The following GREB1L variants were observed in gnomAD, a reference collection of about 807,000 sequenced individuals.
GREB1L encodes the protein GREB1-like protein.
In GREB1L, 17 loss-of-function variants were observed where a neutral mutation model predicts 200.8. The ratio of observed to expected loss-of-function variants is 0.08; its 90% CI spans 0.06 to 0.13. The LOEUF (loss-of-function observed/expected upper bound fraction) is 0.13, where lower values mean the gene tolerates loss of function less well. Among genes scored for constraint, GREB1L ranks in the 10% least tolerant of loss-of-function variants. The pLI is 1.00. For synonymous variants in GREB1L, 789 were observed against 893.0 expected (o/e 0.88, Z 2.08); for missense variants, 1,657 against 2,367.7 (o/e 0.70, Z 6.23).
intron 1 of GREB1L, among the ~76,000 whole-genome samples, chr18:21,263,326 C>A (rs2037918282): frequency 6.6e-6 from 1 of 152,194 alleles, no homozygotes; most frequent in South Asian, 2.1e-4. Flanking sequence ...CTATCCTTGT[C>A]TTCGTCCATT....
At chr18:21,313,255 C>T (rs1450216962) in intron 1 of GREB1L, among the ~76,000 whole-genome samples, 1 of 151,928 alleles carries the variant, frequency 6.6e-6, no homozygotes, top group Non-Finnish European at 1.5e-5. Context: ...GGAAGGTAAT[C>T]GCCATACAAA....
intron 1 of GREB1L, among the ~76,000 whole-genome samples, chr18:21,339,279 G>C (rs923003128): frequency 1.6e-4 from 24 of 152,134 alleles, no homozygotes; most frequent in Admixed American, 2.6e-4. Flanking sequence ...AATCATGTAA[G>C]AGTGGACTAG....
intron 23 of GREB1L, 101 bp downstream of exon 23, chr18:21,500,743 C>G (rs1201519703): frequency 2.6e-6 from 2 of 780,556 alleles, no homozygotes; most frequent in Non-Finnish European, 4.0e-6. Flanking sequence ...TTCTACAGTA[C>G]CTAACCTGCA....
intron 27 of GREB1L, among the ~76,000 whole-genome samples, chr18:21,513,427 G>A (rs1363550795): frequency 6.6e-6 from 1 of 152,216 alleles, no homozygotes; most frequent in Non-Finnish European, 1.5e-5. Context: ...TTCCAAGTCT[G>A]AGAGAGCCTC....
intron 1 of GREB1L, among the ~76,000 whole-genome samples, chr18:21,248,581 T>G (rs1290796224): frequency 1.3e-5 from 2 of 152,332 alleles, no homozygotes; most frequent in East Asian, 3.9e-4. Context: ...ATTCAATAGA[T>G]TGATAAAATC....
At chr18:21,450,922 A>G (rs1598862073) in intron 12 of GREB1L, 101 bp from the exon 13 acceptor site, 3 of 1,199,694 alleles carry the variant, frequency 2.5e-6, no homozygotes, top group African/African-American at 3.0e-5. Context: ...AAGTCCCTAT[A>G]GTGACATCCT....
intron 1 of GREB1L, among the ~76,000 whole-genome samples, chr18:21,328,136 T>G (rs936123763): frequency 1.3e-5 from 2 of 152,148 alleles, no homozygotes; most frequent in African/African-American, 2.4e-5. Flanking sequence ...TTCTCTGTCA[T>G]GAACTCCTGG....
intron 15 of GREB1L, chr18:21,454,798 G>T: frequency 1.9e-6 from 1 of 530,280 alleles, no homozygotes; most frequent in Admixed American, 3.2e-5. Context: ...GTATCATTAA[G>T]TTCATGATGT....
chr18:21,475,999 A>G (rs897153351), intron 16 of GREB1L, among the ~76,000 whole-genome samples: 5 of 136,004 alleles, frequency 3.7e-5, no homozygotes, highest in African/African-American at 1.4e-4. Context: ...AAAAAAAAAG[A>G]GTCAAATATG....
chr18:21,285,739 C>G (rs2038344803), intron 1 of GREB1L, among the ~76,000 whole-genome samples: 1 of 152,064 alleles, frequency 6.6e-6, no homozygotes, highest in Admixed American at 6.6e-5. Context: ...TGGAAGGGGC[C>G]CCAAATGGAC....
intron 4 of GREB1L, among the ~76,000 whole-genome samples, chr18:21,390,727 G>A (rs527465530): frequency 1.1e-4 from 17 of 152,098 alleles, no homozygotes; most frequent in South Asian, 2.1e-4. Context: ...AGTAGAGATG[G>A]GGTTTCACCA....
intron 4 of GREB1L, among the ~76,000 whole-genome samples, chr18:21,384,932 G>A (rs542059962): frequency 1.3e-5 from 2 of 152,156 alleles, no homozygotes; most frequent in Admixed American, 6.6e-5. Flanking sequence ...GGATTAAAAT[G>A]TGTATATTTT....
intron 1 of GREB1L, among the ~76,000 whole-genome samples, chr18:21,283,843 T>C (rs1405558159): frequency 6.6e-6 from 1 of 152,156 alleles, no homozygotes. Context: ...CAGGATCAAC[T>C]TGGTTCCTAA....
At position 21,416,404 on chromosome 18, in the gene GREB1L, T is replaced by C. The variant is rs149111002; in HGVS notation, c.832+12410T>C. On this transcript the variant is annotated intron_variant, in intron 7 of 32. Transcript: ENST00000424526. Reference sequence around the variant, plus strand: ...ACAGGTTCCCAAACTTGGTGAACATTATAAACCCACAGATCCAAGACATTC... The same window carrying C: ...ACAGGTTCCCAAACTTGGTGAACATCATAAACCCACAGATCCAAGACATTC... 3.2e-3 allele frequency among the ~76,000 whole-genome samples: 489 copies of C among 152,180 alleles called. 17 individuals carry two copies. The East Asian group carries it at 0.065, about 20-fold the overall frequency.
intron 1 of GREB1L, among the ~76,000 whole-genome samples, chr18:21,351,997 G>A (rs146422181): frequency 0.01 from 1,528 of 152,078 alleles, 32 homozygotes; most frequent in African/African-American, 0.034. Flanking sequence ...ACAGGCACGC[G>A]CCACCACGCC....
chr18:21,300,532 A>C (rs2038601625), intron 1 of GREB1L, among the ~76,000 whole-genome samples: 1 of 152,126 alleles, frequency 6.6e-6, no homozygotes, highest in Admixed American at 6.5e-5. Flanking sequence ...CCCCTCTCTA[A>C]ACATTCTCTT....
At chr18:21,361,909 G>A (rs1234314516) in intron 1 of GREB1L, among the ~76,000 whole-genome samples, 1 of 152,124 alleles carries the variant, frequency 6.6e-6, no homozygotes, top group Non-Finnish European at 1.5e-5. Context: ...TAATGCCAGA[G>A]TTTGAAAGTG....
chr18:21,344,842 T>G lies in GREB1L; in HGVS notation c.-119-21185T>G, dbSNP rs191338268. On this transcript the variant is annotated intron_variant, in intron 1 of 32. Coordinates refer to ENST00000424526, the MANE Select transcript of GREB1L (RefSeq NM_001142966.3). ...GCTGGCCAGTGTTCCTACTCTTGAG[T>G]TGGTGATCGCTACTGGAGAAAATCT... Among the ~76,000 whole-genome samples, 363 of 152,284 alleles carry G rather than the reference T, an allele frequency of 2.4e-3. 2 individuals are homozygous for G. Among genetic ancestry groups the G allele is most frequent in the African/African-American group, 8.3e-3 (347 of 41,558 alleles).
chr18:21,414,011 AT>A (rs1459973519), intron 7 of GREB1L, among the ~76,000 whole-genome samples: 2 of 152,234 alleles, frequency 1.3e-5, no homozygotes, highest in Non-Finnish European at 2.9e-5. Flanking sequence ...GTTTGGCAAT[AT>A]GTAACAAGAA....
Sources: allele counts gnomAD v4.1 joint callset (sites outside exome capture counted in the v4.1 genomes callset), GRCh38; gene constraint gnomAD v4.1.1; transcripts MANE v1.5; gene names NCBI Gene and HGNC (gene_info 2026-07-23, HGNC 2026-07-21).